The following RELN variants were observed in gnomAD, a reference collection of about 807,000 sequenced individuals.
RELN encodes the protein reelin.
A neutral mutation model predicts 427.6 loss-of-function variants in RELN; 108 were observed. The observed-to-expected ratio is 0.25, with a 90% CI of 0.22 to 0.30. RELN has a LOEUF of 0.30. Among genes scored for constraint, RELN ranks in the 10% least tolerant of loss-of-function variants. The pLI, the probability that RELN is intolerant of heterozygous loss-of-function variation, is 1.00. For missense variants in RELN, 3,715 were observed against 4,302.8 expected (o/e 0.86, Z 3.82); for synonymous variants, 1,524 against 1,513.4 (o/e 1.01, Z -0.16).
intron 47 of RELN, 26 bp downstream of exon 47, chr7:103,523,365 C>G (rs745708105): frequency 6.2e-7 from 1 of 1,613,860 alleles, no homozygotes; most frequent in Admixed American, 1.7e-5. Flanking sequence ...GAGCTTTCAA[C>G]AGAAGGAAGA....
rs148250321 is a variant in RELN, at chr7:103,953,519, T to TAC, written c.226+35610_226+35611dup. On this transcript the variant is annotated intron_variant, in intron 1 of 64. Transcript: ENST00000428762. This position sits in a 1 kb window ranked among gnomAD's most constrained non-coding sequence, Gnocchi z 4.3. Reference sequence around the variant, plus strand: ...TTTTTAAGGCACTGGTAGGGGGACATACACACACACAGAATTTTATATAAA... The same window carrying TAC: ...TTTTTAAGGCACTGGTAGGGGGACATACACACACACACAGAATTTTATATAAA... 2.0e-5 allele frequency among the ~76,000 whole-genome samples: 3 copies of TAC among 152,148 alleles called. No homozygotes were observed. The highest frequency in any genetic ancestry group is 2.9e-5 in the Non-Finnish European group (2 of 68,028).
In RELN at chr7:103,933,011, A is replaced by G. The variant is rs560405783; in HGVS notation, c.227-15826T>C. ...GCAGAAGTGTGTTGGTAAATGTGCA[A>G]CAACTGCCCCTCTAGGGCAAGACAC... On this transcript the variant is annotated intron_variant, in intron 1 of 64. Coordinates refer to ENST00000428762, the MANE Select transcript of RELN (RefSeq NM_005045.4). Among the ~76,000 whole-genome samples the G allele has an allele frequency of 2.8e-4, 43 of 152,326 alleles. No homozygotes were observed. In the South Asian group the frequency reaches 8.9e-3, roughly 32 times the overall value.
At chr7:103,935,660 C>G (rs1584381810) in intron 1 of RELN, among the ~76,000 whole-genome samples, 1 of 152,128 alleles carries the variant, frequency 6.6e-6, no homozygotes, top group African/African-American at 2.4e-5. Context: ...TAAGACTAGA[C>G]CCGTATTTGA....
intron 11 of RELN, among the ~76,000 whole-genome samples, chr7:103,674,979 G>A (rs1440290155): frequency 6.6e-6 from 1 of 152,140 alleles, no homozygotes; most frequent in Non-Finnish European, 1.5e-5. Context: ...ACTAGCACAA[G>A]ACAGAGATGC....
intron 2 of RELN, among the ~76,000 whole-genome samples, chr7:103,843,912 C>A (rs2203025): frequency 0.37 from 56,659 of 151,884 alleles, 10,907 homozygotes; most frequent in Non-Finnish European, 0.42. Flanking sequence ...TGCATACTCT[C>A]CCTCCCTGCT....
chr7:103,671,064 G>T lies in RELN; in HGVS notation c.1290-9537C>A, dbSNP rs117041447. Among the ~76,000 whole-genome samples the T allele has an allele frequency of 6.4e-3, 975 of 152,120 alleles. 5 individuals are homozygous for T. Among genetic ancestry groups the T allele is most frequent in the Non-Finnish European group, 0.01 (712 of 67,948 alleles). ...TTACATTTATAAGGTCTATATTTGGGATGGATGCTCTGCTCTTTAATAAGG... is the reference window on the plus strand; with the variant it reads ...TTACATTTATAAGGTCTATATTTGGTATGGATGCTCTGCTCTTTAATAAGG... On this transcript the variant is annotated intron_variant, in intron 11 of 64. Transcript: ENST00000428762.
At chr7:103,792,557 G>A (rs1335079019) in intron 3 of RELN, among the ~76,000 whole-genome samples, 2 of 150,434 alleles carry the variant, frequency 1.3e-5, no homozygotes, top group African/African-American at 2.4e-5. Flanking sequence ...AGTGGTTTCC[G>A]GGGGATGGGG....
At chr7:103,870,144 C>T (rs747457545) in intron 2 of RELN, among the ~76,000 whole-genome samples, 11 of 151,640 alleles carry the variant, frequency 7.3e-5, no homozygotes, top group African/African-American at 1.2e-4. Flanking sequence ...TCAGACCATG[C>T]TTTTTTTTGT....
intron 2 of RELN, among the ~76,000 whole-genome samples, chr7:103,882,467 TA>T (rs754098131): frequency 1.1e-4 from 16 of 151,126 alleles, no homozygotes; most frequent in Non-Finnish European, 2.1e-4. Context: ...AATTTTTTTT[TA>T]TTTTTTGTAT....
intron 41 of RELN, among the ~76,000 whole-genome samples, chr7:103,546,424 C>A (rs781778651): frequency 5.3e-5 from 8 of 152,166 alleles, no homozygotes; most frequent in Non-Finnish European, 7.3e-5. Flanking sequence ...TGGTTGTTTC[C>A]ATTTTTTGGC....
intron 2 of RELN, among the ~76,000 whole-genome samples, chr7:103,914,009 C>T (rs938997319): frequency 6.6e-6 from 1 of 152,096 alleles, no homozygotes; most frequent in South Asian, 2.1e-4. Context: ...TGTCTTTGGA[C>T]CATTAAACCA....
chr7:103,811,001 T>G (rs1441664419), intron 3 of RELN, among the ~76,000 whole-genome samples: 1 of 152,238 alleles, frequency 6.6e-6, no homozygotes, highest in Non-Finnish European at 1.5e-5. Flanking sequence ...TGAAAGTTAC[T>G]AATGAAAATA....
At position 103,498,052 on chromosome 7, in the gene RELN, A is replaced by G. The variant is rs1828894843; in HGVS notation, c.8843+25T>C. Reference sequence around the variant, plus strand: ...GACCAATTTGCTATGGTGCAATAGAAATAACTAACAAAAAATTCACTTACT... The same window carrying G: ...GACCAATTTGCTATGGTGCAATAGAGATAACTAACAAAAAATTCACTTACT... On this transcript the variant is annotated intron_variant, in intron 54 of 64. Coordinates refer to ENST00000428762, the MANE Select transcript of RELN (RefSeq NM_005045.4). 3 of 1,612,880 alleles carry G rather than the reference A, an allele frequency of 1.9e-6. No individual in the cohort carries two copies. In the South Asian group the frequency reaches 3.3e-5, roughly 18 times the overall value.
At chr7:103,708,786 C>T (rs1357548823) in intron 8 of RELN, among the ~76,000 whole-genome samples, 2 of 152,110 alleles carry the variant, frequency 1.3e-5, no homozygotes, top group South Asian at 2.1e-4. Context: ...GGTTAACTCT[C>T]TTACACGATT....
At chr7:103,804,294 A>T (rs1236971710) in intron 3 of RELN, among the ~76,000 whole-genome samples, 1 of 152,176 alleles carries the variant, frequency 6.6e-6, no homozygotes, top group African/African-American at 2.4e-5. Flanking sequence ...TAACAAAGCC[A>T]AAATATTAAT....
intron 11 of RELN, among the ~76,000 whole-genome samples, chr7:103,677,457 AG>A (rs1370076036): frequency 2.8e-5 from 4 of 143,946 alleles, no homozygotes; most frequent in African/African-American, 1.0e-4. Flanking sequence ...AATAATAAAA[AG>A]AACAACAACA....
intron 20 of RELN, among the ~76,000 whole-genome samples, chr7:103,613,793 G>A (rs573850357): frequency 1.3e-5 from 2 of 152,298 alleles, no homozygotes; most frequent in Non-Finnish European, 2.9e-5. Flanking sequence ...AAATGACAGA[G>A]CCAACAATGC....
At chr7:103,899,687 C>G (rs546270226) in intron 2 of RELN, among the ~76,000 whole-genome samples, 1 of 152,096 alleles carries the variant, frequency 6.6e-6, no homozygotes, top group Non-Finnish European at 1.5e-5. Flanking sequence ...ATAAACAGAA[C>G]CAACGACAAA....
chr7:103,872,026 A>T (rs1170450351), intron 2 of RELN, among the ~76,000 whole-genome samples: 4 of 88,140 alleles, frequency 4.5e-5, no homozygotes, highest in South Asian at 3.8e-4. Context: ...ATATATATAT[A>T]TATATTTTTC....
Sources: allele counts gnomAD v4.1 joint callset (sites outside exome capture counted in the v4.1 genomes callset), GRCh38; gene constraint gnomAD v4.1.1; non-coding constraint Gnocchi (gnomAD v3.1); transcripts MANE v1.5; gene names NCBI Gene and HGNC (gene_info 2026-07-23, HGNC 2026-07-21).